Variants in TOLLIP observed in about 807,000 individuals in gnomAD.
TOLLIP encodes the protein toll interacting protein, also known as toll-interacting protein.
In TOLLIP, 16 loss-of-function variants were observed where a neutral mutation model predicts 33.5. That is an observed-to-expected ratio of 0.48 (90% CI 0.32 to 0.72). TOLLIP has a LOEUF of 0.72. TOLLIP is among the 30% of genes least tolerant of loss of function. TOLLIP has a pLI of 0.03. For synonymous variants in TOLLIP, 176 were observed against 163.7 expected (o/e 1.07, Z -0.57); for missense variants, 325 against 396.6 (o/e 0.82, Z 1.53).
intron 1 of TOLLIP, among the ~76,000 whole-genome samples, chr11:1,304,718 C>T (rs1864379127): frequency 1.3e-5 from 2 of 152,202 alleles, no homozygotes; most frequent in African/African-American, 4.8e-5. Flanking sequence ...CTGTACTTTC[C>T]CAGCACAGTG....
At chr11:1,307,542 A>G (rs1864451582) in intron 1 of TOLLIP, among the ~76,000 whole-genome samples, 1 of 152,226 alleles carries the variant, frequency 6.6e-6, no homozygotes, top group Admixed American at 6.5e-5. Flanking sequence ...GATGAGGAAC[A>G]AGTTCCCAGG....
At chr11:1,291,269 A>C (rs927721725) in intron 2 of TOLLIP, 2 of 152,246 alleles carry the variant, frequency 1.3e-5, no homozygotes, top group African/African-American at 4.8e-5. Context: ...GCTGCCTGTA[A>C]AGCGTCCTGC....
At chr11:1,291,631 C>T (rs1440862567) in intron 2 of TOLLIP, among the ~76,000 whole-genome samples, 1 of 151,214 alleles carries the variant, frequency 6.6e-6, no homozygotes, top group African/African-American at 2.4e-5. Context: ...GCCCTGTTCT[C>T]ACCGCACCCC....
intron 1 of TOLLIP, among the ~76,000 whole-genome samples, chr11:1,305,110 G>A (rs2133933922): frequency 6.6e-6 from 1 of 152,354 alleles, no homozygotes; most frequent in African/African-American, 2.4e-5. Context: ...AAGGCAAGAG[G>A]CCTTTATCTT....
intron 2 of TOLLIP, among the ~76,000 whole-genome samples, chr11:1,291,428 A>G (rs1863935958): frequency 6.8e-6 from 1 of 147,804 alleles, no homozygotes; most frequent in African/African-American, 2.5e-5. Context: ...TCCCAGTGGA[A>G]CAGAGTCCAG....
chr11:1,290,388 C>T lies in TOLLIP; in HGVS notation c.205G>A (p.Gly69Ser), dbSNP rs143130045. The T allele has an allele frequency of 8.1e-6, 13 of 1,610,852 alleles. No individual in the cohort carries two copies. Among genetic ancestry groups the T allele is most frequent in the African/African-American group, 4.0e-5 (3 of 74,876 alleles). ...VVQAKLAKNY[G>S]MTRMDPYCRL... ...CAGTAGGGGTCCATGCGGGTCATGC[C>T]GTAATTCTTGGCCAACTTTGCCTGG... The change falls in exon 3 of 6, where the codon GGC becomes AGC. Residue 69 changes from glycine (G) to serine (S), a missense_variant. Coordinates refer to ENST00000317204, the MANE Select transcript of TOLLIP (RefSeq NM_019009.4). The surrounding 1 kb of genome is among the most constrained non-coding windows in gnomAD (Gnocchi z 4.9).
At chr11:1,297,174 T>C (rs1240782535) in intron 1 of TOLLIP, among the ~76,000 whole-genome samples, 1 of 152,146 alleles carries the variant, frequency 6.6e-6, no homozygotes, top group Non-Finnish European at 1.5e-5. Context: ...GTGCACGTGC[T>C]GAGGCCGCCA....
At position 1,276,135 on chromosome 11, in the gene TOLLIP, G is replaced by C. The variant is rs1160116215; in HGVS notation, c.*904C>G. 2 of 153,010 alleles carry C rather than the reference G, an allele frequency of 1.3e-5. No homozygotes were observed. Among genetic ancestry groups the C allele is most frequent in the African/African-American group, 2.4e-5 (1 of 41,450 alleles). The allele number at this position is 153,010 out of a possible 1,614,324, so 9.5% of individuals were successfully genotyped here. A position where few individuals can be genotyped will look rare whatever the true frequency, so the allele number is the denominator to read the frequency against. On this transcript the variant is annotated 3_prime_UTR_variant, in exon 6 of 6. Coordinates refer to ENST00000317204, the MANE Select transcript of TOLLIP (RefSeq NM_019009.4). Reference sequence around the variant, plus strand: ...CTGAACCCACGTCCTGGGCACAGCAGCTCCCAAGCTGTCAGCAGTCGGCTG... The same window carrying C: ...CTGAACCCACGTCCTGGGCACAGCACCTCCCAAGCTGTCAGCAGTCGGCTG...
chr11:1,283,463 G>C (rs749948104), intron 5 of TOLLIP: 17 of 403,044 alleles, frequency 4.2e-5, no homozygotes, highest in Non-Finnish European at 7.7e-5. Context: ...TATTGGAAAC[G>C]CATGCCTGGG....
At chr11:1,283,542 G>A (rs1178943004) in intron 5 of TOLLIP, 1 of 456,242 alleles carries the variant, frequency 2.2e-6, no homozygotes, top group Admixed American at 2.3e-5. Context: ...AGATGTTCCT[G>A]CATCTCCTTG....
intron 1 of TOLLIP, among the ~76,000 whole-genome samples, chr11:1,307,445 G>T (rs566840188): frequency 1.4e-4 from 21 of 152,202 alleles, no homozygotes; most frequent in Non-Finnish European, 2.6e-4. Context: ...GTGCCCCTCA[G>T]AACAGGAAGG....
At chr11:1,293,485 G>A (rs533731489) in intron 2 of TOLLIP, among the ~76,000 whole-genome samples, 4 of 152,338 alleles carry the variant, frequency 2.6e-5, no homozygotes, top group African/African-American at 4.8e-5. Context: ...GGGAAGCAGC[G>A]AGGGGACGCA....
chr11:1,299,102 C>T (rs767968862), intron 1 of TOLLIP, among the ~76,000 whole-genome samples: 16 of 152,244 alleles, frequency 1.1e-4, no homozygotes, highest in Admixed American at 7.2e-4. Context: ...AGGGGAGCGT[C>T]GGCCAGGGGA....
chr11:1,303,187 T>C lies in TOLLIP; in HGVS notation c.33+6279A>G, dbSNP rs897290810. 1.3e-5 allele frequency among the ~76,000 whole-genome samples: 2 copies of C among 152,126 alleles called. No individual in the cohort carries two copies. The highest frequency in any genetic ancestry group is 2.9e-5 in the Non-Finnish European group (2 of 68,030). ...AAAAGCTGACTACAGAACAAGCGAC[T>C]TTAAATGGGGTCTCTGCCAGGAACT... is the stretch of plus-strand genomic sequence containing the variant. On this transcript the variant is annotated intron_variant, in intron 1 of 5. Transcript: ENST00000317204. This position sits in a 1 kb window ranked among gnomAD's most constrained non-coding sequence, Gnocchi z 4.2.
chr11:1,306,443 G>C (rs1864425116), intron 1 of TOLLIP, among the ~76,000 whole-genome samples: 1 of 152,150 alleles, frequency 6.6e-6, no homozygotes, highest in African/African-American at 2.4e-5. Flanking sequence ...TCCCGAGCCA[G>C]AGTCCTGCCC....
At chr11:1,295,435 C>T (rs1019993273) in intron 2 of TOLLIP, 3 of 555,544 alleles carry the variant, frequency 5.4e-6, no homozygotes, top group African/African-American at 3.7e-5. Context: ...ACCCACTACT[C>T]ATCACTTGAG....
intron 1 of TOLLIP, 35 bp downstream of exon 1, chr11:1,309,431 A>G (rs1864527934): frequency 1.6e-6 from 2 of 1,237,418 alleles, no homozygotes; most frequent in Non-Finnish European, 2.0e-6. Flanking sequence ...ACCGCAGGTC[A>G]CCGCCCCCGC....
At chr11:1,309,440 G>A in intron 1 of TOLLIP, 26 bp downstream of exon 1, 2 of 1,279,152 alleles carry the variant, frequency 1.6e-6, no homozygotes, top group South Asian at 2.1e-5. Flanking sequence ...CACCGCCCCC[G>A]CCCGACCCTC....
intron 2 of TOLLIP, among the ~76,000 whole-genome samples, chr11:1,293,861 C>T (rs1864026559): frequency 1.3e-5 from 2 of 152,318 alleles, no homozygotes; most frequent in Middle Eastern, 3.4e-3. Flanking sequence ...CATGGGCTTA[C>T]GGGAGTTCAC....
Sources: gnomAD v4.1 joint callset for allele counts (sites outside exome capture counted in the v4.1 genomes callset) on GRCh38, gnomAD v4.1.1 for gene constraint, Gnocchi (gnomAD v3.1) non-coding constraint, MANE v1.5 for transcripts, NCBI Gene and HGNC (gene_info 2026-07-23, HGNC 2026-07-21) for gene names.